The following ESR1 variants were observed in gnomAD, a reference collection of about 807,000 sequenced individuals.
The protein encoded by ESR1 is estrogen receptor 1, also known as estrogen receptor.
ESR1 carries 12 observed loss-of-function variants against 52.7 expected under a neutral mutation model. The observed-to-expected ratio is 0.23, with a 90% confidence interval of 0.15 to 0.37. The LOEUF (loss-of-function observed/expected upper bound fraction) is 0.37, where lower values mean the gene tolerates loss of function less well. Among genes scored for constraint, ESR1 ranks in the 10% least tolerant of loss-of-function variants. The pLI is 1.00. For missense variants in ESR1, 584 were observed against 779.7 expected, an observed-to-expected ratio of 0.75 and a Z score of 2.99; for synonymous variants, 305 against 316.8, an observed-to-expected ratio of 0.96 and a Z score of 0.39.
At chr6:151,891,004 T>C (rs908006178) in intron 3 of ESR1, among the ~76,000 whole-genome samples, 15 of 152,218 alleles carry the variant, frequency 9.9e-5, no homozygotes, top group African/African-American at 3.6e-4. Flanking sequence ...TTTTCTATAG[T>C]GGTATCCTTT....
At chr6:152,111,295 A>C (rs1229431399) in intron 6 of ESR1, among the ~76,000 whole-genome samples, 2 of 152,184 alleles carry the variant, frequency 1.3e-5, no homozygotes, top group Admixed American at 6.5e-5. Flanking sequence ...TAAAAAAGTG[A>C]TTTCGAAAGT....
intron 2 of ESR1, among the ~76,000 whole-genome samples, chr6:151,865,938 T>C (rs1212322570): frequency 6.6e-6 from 1 of 152,336 alleles, no homozygotes; most frequent in Non-Finnish European, 1.5e-5. Flanking sequence ...TGCTTTCTGA[T>C]GTGGGGCGCA....
chr6:151,720,197 G>T (rs1008174963), intron 2 of ESR1, among the ~76,000 whole-genome samples: 3 of 152,114 alleles, frequency 2.0e-5, no homozygotes, highest in African/African-American at 7.2e-5. Flanking sequence ...GCAATATGCT[G>T]AGTGTTCTAC....
In ESR1 at chr6:152,122,519, C is replaced by T. The variant is rs1182754638; in HGVS notation, c.851-2747C>T. On this transcript the variant is annotated intron_variant, in intron 6 of 6. Transcript: ENST00000427531. ...TTGTTGGAGAGGGCACAGCTGTAGTCTTCCTCTGACATTGGTACAAGGCAG... is the reference window on the plus strand; with the variant it reads ...TTGTTGGAGAGGGCACAGCTGTAGTTTTCCTCTGACATTGGTACAAGGCAG... 6.2e-7 allele frequency: 1 copy of T among 1,614,188 alleles called. No homozygotes were observed. The highest frequency in any genetic ancestry group is 8.5e-7 in the Non-Finnish European group (1 of 1,180,044).
intron 5 of ESR1, among the ~76,000 whole-genome samples, chr6:152,033,357 A>G (rs142036513): frequency 0.012 from 1,847 of 152,334 alleles, 40 homozygotes; most frequent in African/African-American, 0.042. Context: ...TGAACAGGCA[A>G]CCTACAGAAT....
intron 3 of ESR1, among the ~76,000 whole-genome samples, chr6:151,899,304 A>AC (rs1317629302): frequency 2.4e-5 from 2 of 82,770 alleles, no homozygotes; most frequent in South Asian, 4.7e-4. Context: ...CGGGGGGCTG[A>AC]CCCCCCCACC....
intron 2 of ESR1, among the ~76,000 whole-genome samples, chr6:151,722,047 C>A (rs1394425759): frequency 6.6e-6 from 1 of 152,216 alleles, no homozygotes; most frequent in Non-Finnish European, 1.5e-5. Context: ...CCCAGAGGCA[C>A]TGGGAAAGTC....
chr6:151,967,249 A>T (rs2038375705), intron 4 of ESR1, among the ~76,000 whole-genome samples: 1 of 152,142 alleles, frequency 6.6e-6, no homozygotes, highest in Non-Finnish European at 1.5e-5. Context: ...TTTGTTACAT[A>T]GGTATATACG....
At chr6:151,671,496 C>G (rs1476520494) in intron 1 of ESR1, among the ~76,000 whole-genome samples, 1 of 152,028 alleles carries the variant, frequency 6.6e-6, no homozygotes, top group Admixed American at 6.5e-5. Context: ...CTCGTAGACA[C>G]AGAGAGGAGA....
intron 2 of ESR1, 89 bp downstream of exon 2, chr6:151,842,876 A>C: frequency 8.7e-7 from 1 of 1,146,816 alleles, no homozygotes; most frequent in South Asian, 1.3e-5. Flanking sequence ...ACATAGAATC[A>C]GCCATTTGTA....
At chr6:152,122,936 C>G (rs920182168) in intron 6 of ESR1, among the ~76,000 whole-genome samples, 1 of 152,202 alleles carries the variant, frequency 6.6e-6, no homozygotes, top group Non-Finnish European at 1.5e-5. Flanking sequence ...TCCTTTTACC[C>G]CTTAATGTGG....
At chr6:151,712,371 T>C (rs959446675) in intron 2 of ESR1, among the ~76,000 whole-genome samples, 3 of 152,232 alleles carry the variant, frequency 2.0e-5, no homozygotes, top group African/African-American at 7.2e-5. Context: ...TTTCTAATTC[T>C]ATGAAGAAAG....
chr6:152,035,939 A>C (rs1244395782), intron 5 of ESR1, among the ~76,000 whole-genome samples: 1 of 152,246 alleles, frequency 6.6e-6, no homozygotes, highest in Non-Finnish European at 1.5e-5. Context: ...TGGAGAGCCA[A>C]AACTAAAACT....
chr6:151,872,621 C>T (rs1034033806), intron 2 of ESR1, among the ~76,000 whole-genome samples: 2 of 152,024 alleles, frequency 1.3e-5, no homozygotes, highest in African/African-American at 4.8e-5. Context: ...GCCAGTCTTC[C>T]TTTTCTTTTT....
At chr6:151,917,014 A>G (rs2030399581) in intron 3 of ESR1, among the ~76,000 whole-genome samples, 2 of 152,186 alleles carry the variant, frequency 1.3e-5, no homozygotes, top group Admixed American at 1.3e-4. Context: ...TATGATGACT[A>G]TCCCACTGGC....
At chr6:151,822,058 T>C (rs539901722) in intron 1 of ESR1, among the ~76,000 whole-genome samples, 20 of 152,310 alleles carry the variant, frequency 1.3e-4, no homozygotes, top group African/African-American at 4.3e-4. Context: ...AGGATAGAAT[T>C]TATAACTAAA....
chr6:151,717,065 G>A (rs566359400), intron 2 of ESR1, among the ~76,000 whole-genome samples: 5 of 152,254 alleles, frequency 3.3e-5, no homozygotes, highest in East Asian at 3.9e-4. Flanking sequence ...GGAGTGCACC[G>A]TTCCTTAGGG....
rs1259795682 is a variant in ESR1, at chr6:151,932,162, G to A, written c.761-12011G>A. Among the ~76,000 whole-genome samples the A allele has an allele frequency of 7.4e-3, 1,120 of 150,822 alleles. 14 individuals are homozygous for A. The highest frequency in any genetic ancestry group is 0.026 in the African/African-American group (1,070 of 40,994). On this transcript the variant is annotated intron_variant, in intron 3 of 7. Transcript: ENST00000206249. ...TTGCCATTCTAACTGGTGTGAGATGGTATCTCATTGTGGTTTTGATTTGCA... is the reference window on the plus strand; with the variant it reads ...TTGCCATTCTAACTGGTGTGAGATGATATCTCATTGTGGTTTTGATTTGCA...
At chr6:152,056,624 C>G (rs1380551398) in intron 5 of ESR1, among the ~76,000 whole-genome samples, 1 of 152,168 alleles carries the variant, frequency 6.6e-6, no homozygotes, top group Non-Finnish European at 1.5e-5. Flanking sequence ...TGAGCAAATG[C>G]TCTGTCAAGT....
Sources: gnomAD v4.1 joint callset for allele counts (sites outside exome capture counted in the v4.1 genomes callset) on GRCh38, gnomAD v4.1.1 for gene constraint, MANE v1.5 for transcripts, NCBI Gene and HGNC (gene_info 2026-07-23, HGNC 2026-07-21) for gene names.